Variants in CRYBB2 observed in about 807,000 individuals in gnomAD.
CRYBB2 encodes the protein crystallin beta B2.
CRYBB2 carries 12 observed loss-of-function variants against 24.3 expected under a neutral mutation model. That is an observed-to-expected ratio of 0.49 (90% CI 0.32 to 0.80). CRYBB2 has a LOEUF of 0.80. Ranked by LOEUF, CRYBB2 falls within the 30% of genes least tolerant of loss-of-function variation. CRYBB2 has a pLI of 0.04. For missense variants in CRYBB2, 198 were observed against 268.5 expected (o/e 0.74, Z 1.83); for synonymous variants, 98 against 101.6 (o/e 0.96, Z 0.21).
At chr22:25,224,109 G>A (rs1424408185) in intron 2 of CRYBB2, among the ~76,000 whole-genome samples, 1 of 146,590 alleles carries the variant, frequency 6.8e-6, no homozygotes, top group African/African-American at 2.6e-5. Context: ...GGGCGACAGA[G>A]TGAGACTCCG....
upstream of CRYBB2, among the ~76,000 whole-genome samples, chr22:25,216,840 G>T (rs1935176065): frequency 6.6e-6 from 1 of 152,028 alleles, no homozygotes; most frequent in Admixed American, 6.6e-5. Flanking sequence ...CCATGAATTT[G>T]CCTACCCTAG....
intron 4 of CRYBB2, among the ~76,000 whole-genome samples, chr22:25,228,994 G>A (rs1281362967): frequency 6.6e-6 from 1 of 151,430 alleles, no homozygotes; most frequent in East Asian, 1.9e-4. Flanking sequence ...ATGTGTGGGT[G>A]TGCGTGTGTG....
upstream of CRYBB2, among the ~76,000 whole-genome samples, chr22:25,218,528 TG>T (rs1935219027): frequency 6.6e-6 from 1 of 151,026 alleles, no homozygotes; most frequent in South Asian, 2.1e-4. Flanking sequence ...TAGCTGGACC[TG>T]GTGGCGCACA....
chr22:25,212,574 C>T (rs1355552971), exon 1 of CRYBB2, among the ~76,000 whole-genome samples: 1 of 152,224 alleles, frequency 6.6e-6, no homozygotes, highest in Non-Finnish European at 1.5e-5. Flanking sequence ...TTTCCCTTGC[C>T]TTTCCGTCGG....
intron 5 of CRYBB2, among the ~76,000 whole-genome samples, chr22:25,231,035 A>C (rs1324567772): frequency 6.6e-6 from 1 of 152,142 alleles, no homozygotes; most frequent in African/African-American, 2.4e-5. Context: ...GAATGCAGAG[A>C]TGTGGGAGCA....
chr22:25,228,937 CGTGTGTGCGCGCAA>C (rs1935473311), intron 4 of CRYBB2, among the ~76,000 whole-genome samples: 1 of 151,518 alleles, frequency 6.6e-6, no homozygotes, highest in Non-Finnish European at 1.5e-5. Context: ...TGGGTGTGCA[CGTGTGTGCGCGCAA>C]GTGTGTGCGT....
chr22:25,219,955 A>C (rs1935291194), intron 1 of CRYBB2, among the ~76,000 whole-genome samples: 1 of 152,158 alleles, frequency 6.6e-6, no homozygotes. Flanking sequence ...TTGTTTCGCC[A>C]GTCGCTGAGG....
At chr22:25,220,429 T>G (rs774560928) in intron 1 of CRYBB2, among the ~76,000 whole-genome samples, 1 of 152,170 alleles carries the variant, frequency 6.6e-6, no homozygotes, top group South Asian at 2.1e-4. Context: ...CAACTGAGCT[T>G]CTTCAGTCTG....
chr22:25,225,013 T>C lies in CRYBB2; in HGVS notation c.150T>C (p.Gly50=), dbSNP rs773348868. ...NLKETGVEKA[G]SVLVQAGPWV... is the part of the protein sequence containing the mutation. ...AGGAAACTGGCGTGGAGAAGGCAGGTTCTGTCCTAGTGCAGGCTGGACCGT... is the reference window on the plus strand; with the variant it reads ...AGGAAACTGGCGTGGAGAAGGCAGGCTCTGTCCTAGTGCAGGCTGGACCGT... The change falls in exon 3 of 6, where the codon GGT becomes GGC. Residue 50 remains glycine, a synonymous_variant. Coordinates refer to ENST00000398215, the MANE Select transcript of CRYBB2 (RefSeq NM_000496.3). 6.2e-7 allele frequency: 1 copy of C among 1,609,488 alleles called. No individual in the cohort carries two copies. The highest frequency in any genetic ancestry group is 8.5e-7 in the Non-Finnish European group (1 of 1,175,694).
At chr22:25,214,305 TCCA>T (rs1406357465) in intron 1 of CRYBB2, among the ~76,000 whole-genome samples, 1 of 152,198 alleles carries the variant, frequency 6.6e-6, no homozygotes, top group Non-Finnish European at 1.5e-5. Flanking sequence ...ACCACCATGC[TCCA>T]GCCTGGGCAG....
upstream of CRYBB2, among the ~76,000 whole-genome samples, chr22:25,218,189 G>A (rs1324133433): frequency 2.0e-5 from 3 of 151,878 alleles, no homozygotes; most frequent in Non-Finnish European, 1.5e-5. Flanking sequence ...AACACGGGAG[G>A]CAGAGCTTGC....
At chr22:25,212,051 C>T (rs914278427), upstream of CRYBB2, among the ~76,000 whole-genome samples, 1 of 152,170 alleles carries the variant, frequency 6.6e-6, no homozygotes, top group African/African-American at 2.4e-5. Context: ...CGGTAGTAAC[C>T]GGAGTTTACT....
upstream of CRYBB2, among the ~76,000 whole-genome samples, chr22:25,218,779 G>GAAGAAAGA (rs1168197356): frequency 0.044 from 1,509 of 34,258 alleles, 73 homozygotes; most frequent in Non-Finnish European, 0.055. Flanking sequence ...GAGAGAGAGA[G>GAAGAAAGA]AAGAAAGAAA....
chr22:25,228,813 G>A (rs1276384546), intron 4 of CRYBB2, among the ~76,000 whole-genome samples: 1 of 152,216 alleles, frequency 6.6e-6, no homozygotes, highest in Non-Finnish European at 1.5e-5. Flanking sequence ...AGATAACTAA[G>A]GAAAATGTCA....
chr22:25,218,139 G>C (rs984230784), upstream of CRYBB2, among the ~76,000 whole-genome samples: 1 of 150,846 alleles, frequency 6.6e-6, no homozygotes, highest in Non-Finnish European at 1.5e-5. Context: ...GGCGCCTGTA[G>C]TCCCAGCTAC....
At chr22:25,222,839 G>A (rs1935344078) in intron 2 of CRYBB2, among the ~76,000 whole-genome samples, 1 of 152,082 alleles carries the variant, frequency 6.6e-6, no homozygotes, top group African/African-American at 2.4e-5. Context: ...GCATGTTAAT[G>A]TATAATCAAT....
rs1382389363 is a variant in CRYBB2 at position 25,229,388 on chromosome 22, C to G, written c.307-48C>G. On this transcript the variant is annotated intron_variant, in intron 4 of 5. Coordinates refer to ENST00000398215, the MANE Select transcript of CRYBB2 (RefSeq NM_000496.3). ...ATGAGCATGGGGTGGGAAGGCCAAC[C>G]CTGGGCCCCCTCACCCATACTCACT... 3 of 1,554,546 alleles carry G rather than the reference C, an allele frequency of 1.9e-6. No individual in the cohort carries two copies. The East Asian group carries it at 7.2e-5, about 37-fold the overall frequency.
At position 25,227,640 on chromosome 22, in the gene CRYBB2, TTCCA is replaced by T. The variant is rs1366770497; in HGVS notation, c.174-212_174-209del. 4.6e-5 allele frequency among the ~76,000 whole-genome samples: 7 copies of T among 150,666 alleles called. No homozygotes were observed. The Admixed American group carries it at 4.7e-4, about 10-fold the overall frequency. On this transcript the variant is annotated intron_variant, in intron 3 of 5. Coordinates refer to ENST00000398215, the MANE Select transcript of CRYBB2 (RefSeq NM_000496.3). ...ACTGCCTTCTTATTTCTTAACTGTGTTCCAGGTGGGTAAAGGCAGCATAGCACTG... is the reference window on the plus strand; with the variant it reads ...ACTGCCTTCTTATTTCTTAACTGTGTGGTGGGTAAAGGCAGCATAGCACTG...
chr22:25,222,485 G>A (rs182344020), intron 2 of CRYBB2, among the ~76,000 whole-genome samples: 1 of 152,262 alleles, frequency 6.6e-6, no homozygotes, highest in Non-Finnish European at 1.5e-5. Flanking sequence ...TATGAAAATT[G>A]GGGGTGCCTT....
Sources: allele counts gnomAD v4.1 joint callset (sites outside exome capture counted in the v4.1 genomes callset), GRCh38; gene constraint gnomAD v4.1.1; transcripts MANE v1.5; gene names NCBI Gene and HGNC (gene_info 2026-07-23, HGNC 2026-07-21).